The following TNR variants were observed in gnomAD, a reference collection of about 807,000 sequenced individuals.
The protein encoded by TNR is tenascin-R.
A neutral mutation model predicts 150.4 loss-of-function variants in TNR; 45 were observed. The observed-to-expected ratio is 0.30, with a 90% CI of 0.24 to 0.38. TNR has a LOEUF of 0.38. Among genes scored for constraint, TNR ranks in the 10% least tolerant of loss-of-function variants. The probability of loss-of-function intolerance (pLI) is 1.00; values close to 1 mark genes in which losing one functional copy is unlikely to be tolerated. For missense variants in TNR, 1,544 were observed against 1,759.1 expected (o/e 0.88, Z 2.19); for synonymous variants, 687 against 678.4 (o/e 1.01, Z -0.20).
intron 2 of TNR, among the ~76,000 whole-genome samples, chr1:175,445,561 C>A (rs1223477636): frequency 6.6e-6 from 1 of 152,142 alleles, no homozygotes; most frequent in Non-Finnish European, 1.5e-5. Flanking sequence ...AATGGCATAA[C>A]CTGCTAAGGT....
chr1:175,584,309 T>A (rs1343155733), intron 1 of TNR, among the ~76,000 whole-genome samples: 2 of 152,062 alleles, frequency 1.3e-5, no homozygotes, highest in East Asian at 1.9e-4. Flanking sequence ...GCCACATGAC[T>A]GGAGTGATAC....
intron 1 of TNR, among the ~76,000 whole-genome samples, chr1:175,583,693 C>G (rs1038654705): frequency 3.3e-5 from 5 of 152,186 alleles, no homozygotes; most frequent in African/African-American, 1.2e-4. Context: ...ATACCAAATA[C>G]CCCCTTCCCC....
chr1:175,660,376 G>T (rs544856842), intron 1 of TNR, among the ~76,000 whole-genome samples: 1 of 152,166 alleles, frequency 6.6e-6, no homozygotes, highest in African/African-American at 2.4e-5. Flanking sequence ...GACCTCAGTC[G>T]CCCTGGGCCC....
intron 1 of TNR, among the ~76,000 whole-genome samples, chr1:175,669,759 C>CAAG (rs1665640531): frequency 6.6e-6 from 1 of 152,096 alleles, no homozygotes; most frequent in Non-Finnish European, 1.5e-5. Flanking sequence ...TGGGAGTAGG[C>CAAG]AAGAACAGAG....
chr1:175,366,153 A>C lies in TNR; in HGVS notation c.2054-15T>G. ...ACTGTCAAGTTCTGTGGATTGACAT[A>C]AATGGCCTATTTTACATGTGTTCCC... On this transcript the variant is annotated splice_polypyrimidine_tract_variant and intron_variant, in intron 10 of 22. Transcript: ENST00000367674. 6.3e-7 allele frequency: 1 copy of C among 1,577,272 alleles called. No homozygotes were observed.
chr1:175,377,218 C>T (rs1301479387), intron 9 of TNR, among the ~76,000 whole-genome samples: 1 of 152,160 alleles, frequency 6.6e-6, no homozygotes, highest in Non-Finnish European at 1.5e-5. Context: ...GAAGCTATAA[C>T]TGTATGAGAG....
intron 20 of TNR, among the ~76,000 whole-genome samples, chr1:175,332,625 C>T (rs75601757): frequency 6.6e-6 from 1 of 152,336 alleles, no homozygotes; most frequent in Non-Finnish European, 1.5e-5. Context: ...CCCTACTGTG[C>T]CTCTATTCAA....
At chr1:175,375,478 G>T (rs74768245) in intron 9 of TNR, among the ~76,000 whole-genome samples, 11,207 of 151,670 alleles carry the variant, frequency 0.074, 512 homozygotes, top group South Asian at 0.1. Context: ...GAGAATAATG[G>T]GGGGGGAGTG....
At chr1:175,353,123 A>C (rs952452571) in intron 18 of TNR, among the ~76,000 whole-genome samples, 1 of 152,180 alleles carries the variant, frequency 6.6e-6, no homozygotes, top group Non-Finnish European at 1.5e-5. Flanking sequence ...GCAGCCTTAC[A>C]TTATGGACTG....
intron 1 of TNR, among the ~76,000 whole-genome samples, chr1:175,712,627 C>A (rs1402634279): frequency 3.3e-5 from 5 of 152,002 alleles, no homozygotes; most frequent in Non-Finnish European, 7.4e-5. Context: ...GAGAGCAGAT[C>A]CCTCATGAAT....
rs1006159030 is a variant in TNR at position 175,367,488 on chromosome 1, C to T, written c.1964-191G>A. Among the ~76,000 whole-genome samples the T allele has an allele frequency of 2.0e-5, 3 of 152,276 alleles. 1 individual carries two copies. The highest frequency in any genetic ancestry group is 6.5e-5 in the Admixed American group (1 of 15,310). On this transcript the variant is annotated intron_variant, in intron 9 of 22. Transcript: ENST00000367674. ...GGAATCCCAAGTCAATAGGATGAAC[C>T]AGCCCACGCAGAGCTTCCTTCTTGC...
At chr1:175,589,508 G>A (rs1264963512) in intron 1 of TNR, among the ~76,000 whole-genome samples, 1 of 151,794 alleles carries the variant, frequency 6.6e-6, no homozygotes, top group Non-Finnish European at 1.5e-5. Flanking sequence ...TCACAGTCTG[G>A]GCAATATTTT....
chr1:175,349,318 T>C (rs371885387), intron 18 of TNR, among the ~76,000 whole-genome samples: 1 of 152,156 alleles, frequency 6.6e-6, no homozygotes, highest in Admixed American at 6.5e-5. Flanking sequence ...TTTGTGGTGG[T>C]GGGAGGTTGG....
In TNR at chr1:175,473,570, G is replaced by A. The variant is rs769786297; in HGVS notation, c.-64+54699C>T. Among the ~76,000 whole-genome samples the A allele has an allele frequency of 9.2e-5, 14 of 152,170 alleles. 1 individual carries two copies. Among genetic ancestry groups the A allele is most frequent in the Admixed American group, 4.6e-4 (7 of 15,284 alleles). ...GACTTCTCAGCCATGTAGGAAAGCC[G>A]GTGAAGTGGGCAGAGAAGATGGCCA... On this transcript the variant is annotated intron_variant, in intron 2 of 22. Coordinates refer to ENST00000367674, the MANE Select transcript of TNR (RefSeq NM_003285.3).
chr1:175,567,404 G>A (rs1661686972), intron 1 of TNR, among the ~76,000 whole-genome samples: 1 of 152,144 alleles, frequency 6.6e-6, no homozygotes, highest in African/African-American at 2.4e-5. Flanking sequence ...TTTCAGGGCT[G>A]CCTCCCAGGA....
Position 175,391,444 on chromosome 1 carries a change from C to G in TNR, c.1357-6G>C, listed in dbSNP as rs1653166444. On this transcript the variant is annotated splice_region_variant and splice_polypyrimidine_tract_variant and intron_variant, in intron 6 of 22. Coordinates refer to ENST00000367674, the MANE Select transcript of TNR (RefSeq NM_003285.3). ...ATCACTCCCCCTTCATTGTTCTGGA[C>G]AGTGGGGAGAAGCAGAGAGCAAAAG... The G allele has an allele frequency of 1.2e-6, 2 of 1,613,228 alleles. No homozygotes were observed. The highest frequency in any genetic ancestry group is 1.7e-5 in the Admixed American group (1 of 59,862).
At chr1:175,458,299 T>C (rs982806614) in intron 2 of TNR, among the ~76,000 whole-genome samples, 7 of 152,180 alleles carry the variant, frequency 4.6e-5, no homozygotes, top group African/African-American at 1.7e-4. Flanking sequence ...GAGTTAATAA[T>C]AGCACCATAG....
At position 175,403,282 on chromosome 1, in the gene TNR, G is replaced by A. The variant is rs973131663; in HGVS notation, c.834C>T (p.Asn278=). 2.0e-5 allele frequency: 33 copies of A among 1,613,950 alleles called. No homozygotes were observed. Among genetic ancestry groups the A allele is most frequent in the South Asian group, 1.8e-4 (16 of 91,074 alleles). The change falls in exon 4 of 23, where the codon AAC becomes AAT. Residue 278 remains asparagine (N), a synonymous_variant. Coordinates refer to ENST00000367674, the MANE Select transcript of TNR (RefSeq NM_003285.3). Reference sequence around the variant, plus strand: ...AGCCCTCCTCGCATAAACAGGTACCGTTGGCACATCTCCCCTTCCCCGAAC... The same window carrying A: ...AGCCCTCCTCGCATAAACAGGTACCATTGGCACATCTCCCCTTCCCCGAAC... ...GDCSGKGRCA[N]GTCLCEEGYV...
intron 1 of TNR, among the ~76,000 whole-genome samples, chr1:175,623,072 T>G (rs1181379059): frequency 6.6e-6 from 1 of 152,212 alleles, no homozygotes; most frequent in Non-Finnish European, 1.5e-5. Flanking sequence ...CAACGTACAT[T>G]TTTTGGAAGA....
Sources: gnomAD v4.1 joint callset for allele counts (sites outside exome capture counted in the v4.1 genomes callset) on GRCh38, gnomAD v4.1.1 for gene constraint, MANE v1.5 for transcripts, NCBI Gene and HGNC (gene_info 2026-07-23, HGNC 2026-07-21) for gene names.